RASAL3: variants seen among roughly 807,000 people sequenced by gnomAD.
RASAL3 encodes RAS protein activator like 3, also known as RAS protein activator like-3.
In RASAL3, 74 loss-of-function variants were observed where a neutral mutation model predicts 105.5. That is an observed-to-expected ratio of 0.70 (90% CI 0.58 to 0.85). The LOEUF (loss-of-function observed/expected upper bound fraction) is 0.85, where lower values mean the gene tolerates loss of function less well. Ranked by LOEUF, RASAL3 falls within the 40% of genes least tolerant of loss-of-function variation. The pLI is 0.00. For missense variants in RASAL3, 1,352 were observed against 1,392.0 expected, an observed-to-expected ratio of 0.97 and a Z score of 0.46; for synonymous variants, 579 against 591.6, an observed-to-expected ratio of 0.98 and a Z score of 0.31.
Position 15,454,726 on chromosome 19 carries a change from G to A in RASAL3, c.1889C>T (p.Pro630Leu), listed in dbSNP as rs1311081617. Reference protein sequence around the residue: ...PSLFGLAPDHPAPGPARTLTL... With the variant: ...PSLFGLAPDHLAPGPARTLTL... ...GAGGGTGCGGGCTGGGCCGGGTGCT[G>A]GATGGTCTGGTGCCAAACCAAAGAG... The change falls in exon 12 of 18, where the codon CCA becomes CTA. Residue 630 changes from proline (P) to leucine (L), a missense_variant. Pro to Leu is a moderately conservative substitution (Grantham distance 98, BLOSUM62 -3). Coordinates refer to ENST00000343625, the MANE Select transcript of RASAL3 (RefSeq NM_022904.3). 9.9e-6 allele frequency: 16 copies of A among 1,610,504 alleles called. No individual in the cohort carries two copies. The highest frequency in any genetic ancestry group is 1.4e-5 in the Non-Finnish European group (16 of 1,178,448).
In RASAL3 at chr19:15,457,387, G is replaced by A; in HGVS notation, c.1336C>T (p.Leu446Phe). The A allele has an allele frequency of 4.1e-6, 6 of 1,449,100 alleles. No homozygotes were observed. In the South Asian group the frequency reaches 7.7e-5, roughly 19 times the overall value. The allele number at this position is 1,449,100 out of a possible 1,614,324, so 89.8% of individuals were successfully genotyped here. Residue 446 changes from leucine to phenylalanine, a missense_variant, in exon 9 of 18, where the codon CTC (leucine) becomes TTC (phenylalanine). Coordinates refer to ENST00000343625, the MANE Select transcript of RASAL3 (RefSeq NM_022904.3). This position sits in a 1 kb window ranked among gnomAD's most constrained non-coding sequence, Gnocchi z 8.6. ...AGCGCGGGCTCCAGGGCCCCGCAGA[G>A]GCGCGCATAGTGGAAGGTGAGGAAC... is the stretch of plus-strand genomic sequence containing the variant. ...AEFLTFHYAR[L>F]CGALEPALPA...
chr19:15,454,924 C>T (rs377084003), intron 11 of RASAL3, 31 bp from the exon 12 acceptor site: 23 of 1,497,130 alleles, frequency 1.5e-5, no homozygotes, highest in African/African-American at 4.2e-5. Flanking sequence ...AATGGTCAGA[C>T]GGGGAGGCTA....
At position 15,454,253 on chromosome 19, in the gene RASAL3, G is replaced by T. The variant is rs1231958839; in HGVS notation, c.2175C>A (p.Thr725=). The T allele has an allele frequency of 2.6e-6, 4 of 1,564,506 alleles. No individual in the cohort carries two copies. The highest frequency in any genetic ancestry group is 3.5e-6 in the Non-Finnish European group (4 of 1,154,398). ...FAELDQTTRD[T]LEPLPTILRA... is the part of the protein sequence containing the mutation. ...GCAGGATGGTGGGCAGTGGTTCCAG[G>T]GTGTCTCGGGTTGTCTGGTGAGGCA... Residue 725 remains threonine, a synonymous_variant, in exon 14 of 18, where the codon ACC becomes ACA. Coordinates refer to ENST00000343625, the MANE Select transcript of RASAL3 (RefSeq NM_022904.3).
rs1471676012 is a variant in RASAL3 at position 15,457,486 on chromosome 19, C to T, written c.1237G>A (p.Ala413Thr). Reference protein sequence around the residue: ...WFPLLGAPAGAALRARIRARR... With the variant: ...WFPLLGAPAGTALRARIRARR... The stretch of plus-strand genomic sequence containing the variant: ...GCCCGAATCCGCGCCCGCAGCGCTG[C>T]GCCCGCCGGCGCCCCGAGCAGCGGG... The change falls in exon 9 of 18, where the codon GCA (alanine) becomes ACA (threonine). Residue 413 changes from alanine (A) to threonine (T), a missense_variant. By Grantham distance (58) the Ala-to-Thr change is moderately conservative. Coordinates refer to ENST00000343625, the MANE Select transcript of RASAL3 (RefSeq NM_022904.3). The surrounding 1 kb of genome is among the most constrained non-coding windows in gnomAD (Gnocchi z 8.6). The T allele has an allele frequency of 1.7e-6, 2 of 1,207,208 alleles. No homozygotes were observed. Among genetic ancestry groups the T allele is most frequent in the South Asian group, 2.2e-5 (1 of 45,320 alleles). The allele number at this position is 1,207,208 out of a possible 1,614,324, so 74.8% of individuals were successfully genotyped here.
chr19:15,459,092 G>A (rs1232661535), intron 6 of RASAL3, among the ~76,000 whole-genome samples: 1 of 151,724 alleles, frequency 6.6e-6, no homozygotes, highest in Non-Finnish European at 1.5e-5. Context: ...CACCATGCCT[G>A]GCTAATTTTC....
At position 15,461,499 on chromosome 19, in the gene RASAL3, T is replaced by A. The variant is rs2145488684; in HGVS notation, c.437A>T (p.Lys146Met). The A allele has an allele frequency of 6.5e-7, 1 of 1,547,064 alleles. No individual in the cohort carries two copies. The highest frequency in any genetic ancestry group is 1.2e-5 in the South Asian group (1 of 83,704). Reference protein sequence around the residue: ...DIGGFTLLDGKLVLLGGEEEG... With the variant: ...DIGGFTLLDGMLVLLGGEEEG... ...CTCCTCTCCTCCAAGCAGCACCAGC[T>A]TCCCATCAAGCAGGGTGAAGCCCCC... The change falls in exon 3 of 18, where the codon AAG becomes ATG. Residue 146 changes from lysine (K) to methionine (M), a missense_variant. Physicochemically the swap from Lys to Met is moderately conservative, Grantham distance 95. Transcript: ENST00000343625.
Position 15,452,678 on chromosome 19 carries a change from C to T in RASAL3, c.2808G>A (p.Leu936=). 6.5e-7 allele frequency: 1 copy of T among 1,550,116 alleles called. No homozygotes were observed. Among genetic ancestry groups the T allele is most frequent in the Middle Eastern group, 1.7e-4 (1 of 5,974 alleles). ...QEQLRGQLQD[L]DSRLRAGSSE... ...CTCACCCAGCACGGAGCCTGGAGTC[C>T]AGATCCTGCAGCTGGCCCCGCAGCT... The change falls in exon 16 of 18, where the codon CTG becomes CTA. Residue 936 remains leucine, a synonymous_variant. Transcript: ENST00000343625.
At chr19:15,461,177 G>A in intron 4 of RASAL3, 41 bp downstream of exon 4, 1 of 1,613,168 alleles carries the variant, frequency 6.2e-7, no homozygotes, top group East Asian at 2.2e-5. Context: ...CACTTTTAGA[G>A]CCTCCCAAAT....
chr19:15,461,701 C>G, intron 2 of RASAL3, 94 bp from the exon 3 acceptor site: 1 of 1,414,902 alleles, frequency 7.1e-7, no homozygotes, highest in Non-Finnish European at 9.2e-7. Flanking sequence ...TGGGTTCCCT[C>G]CTAGGTGCCC....
intron 2 of RASAL3, among the ~76,000 whole-genome samples, chr19:15,462,807 TG>T (rs1462034833): frequency 2.0e-5 from 3 of 151,434 alleles, no homozygotes; most frequent in African/African-American, 7.3e-5. Context: ...AACAATTAGC[TG>T]GGCATGGTGG....
chr19:15,453,422 G>T lies in RASAL3; in HGVS notation c.2355C>A (p.Ser785Arg). ...AGCGGCGAACGCTGCGCAGAGACTG[G>T]CTCTTGGAGATGAGAGGGGTGTGCT... is the stretch of plus-strand genomic sequence containing the variant. ...LPKHTPLISK[S>R]QSLRSVRRSE... Residue 785 changes from serine (S) to arginine (R), a missense_variant, in exon 15 of 18, where the codon AGC (serine) becomes AGA (arginine). Coordinates refer to ENST00000343625, the MANE Select transcript of RASAL3 (RefSeq NM_022904.3). The surrounding 1 kb of genome is among the most constrained non-coding windows in gnomAD (Gnocchi z 4.2). The T allele has an allele frequency of 6.5e-7, 1 of 1,529,226 alleles. No individual in the cohort carries two copies. The highest frequency in any genetic ancestry group is 8.7e-7 in the Non-Finnish European group (1 of 1,149,688). The allele number at this position is 1,529,226 out of a possible 1,614,324, so 94.7% of individuals were successfully genotyped here. A position where few individuals can be genotyped will look rare whatever the true frequency, so the allele number is the denominator to read the frequency against.
Position 15,451,740 on chromosome 19 carries a change from T to C in RASAL3, c.*55A>G, listed in dbSNP as rs759432977. 59 of 1,542,972 alleles carry C rather than the reference T, an allele frequency of 3.8e-5. No homozygotes were observed. Among genetic ancestry groups the C allele is most frequent in the Middle Eastern group, 2.4e-4 (1 of 4,132 alleles). On this transcript the variant is annotated 3_prime_UTR_variant, in exon 18 of 18. Transcript: ENST00000343625. ...CTAAGGCAAAGTCAGACACCCCCCCTAAGATGGCTATCTCTCTGCTCCCAG... is the reference window on the plus strand; with the variant it reads ...CTAAGGCAAAGTCAGACACCCCCCCCAAGATGGCTATCTCTCTGCTCCCAG...
At chr19:15,458,213 G>A in intron 8 of RASAL3, 115 bp downstream of exon 8, 1 of 901,334 alleles carries the variant, frequency 1.1e-6, no homozygotes, top group Non-Finnish European at 1.7e-6. Flanking sequence ...GATGCAGGCG[G>A]GGCAGGTGTG....
At chr19:15,455,130 G>C (rs1257665096) in intron 11 of RASAL3, among the ~76,000 whole-genome samples, 1 of 152,186 alleles carries the variant, frequency 6.6e-6, no homozygotes, top group African/African-American at 2.4e-5. Context: ...ATGGCTTATG[G>C]TGTAGCTATG....
chr19:15,464,361 T>TGG lies in RASAL3; in HGVS notation c.-4_-3insCC. ...CGGCTTGGCGACGGTGGGTCCATGG[T>TGG]TGGGGGGGGGGGTCTCCTGGGGGAC... On this transcript the variant is annotated 5_prime_UTR_variant, in exon 2 of 18. Transcript: ENST00000343625. The TGG allele has an allele frequency of 2.1e-6, 1 of 481,880 alleles. No homozygotes were observed. Among genetic ancestry groups the TGG allele is most frequent in the South Asian group, 2.2e-5 (1 of 45,638 alleles). The allele number at this position is 481,880 out of a possible 1,614,324, so 29.9% of individuals were successfully genotyped here.
In RASAL3 at chr19:15,458,591, C is replaced by A. The variant is rs779344192; in HGVS notation, c.727G>T (p.Glu243Ter). ...ATLSELDLGA[E>*]RDVRIWPLHP... ...AGTGGCCAGATCCGCACATCCCGCTCGGCACCCAGGTCCAGTTCAGAGAGT... is the reference window on the plus strand; with the variant it reads ...AGTGGCCAGATCCGCACATCCCGCTAGGCACCCAGGTCCAGTTCAGAGAGT... The change falls in exon 7 of 18, where the codon GAG becomes TAG. Residue 243 changes from glutamate to a stop codon, truncating the protein, a stop_gained. Coordinates refer to ENST00000343625, the MANE Select transcript of RASAL3 (RefSeq NM_022904.3). LOFTEE classifies it high-confidence loss of function. 6.2e-7 allele frequency: 1 copy of A among 1,613,478 alleles called. No individual in the cohort carries two copies. The highest frequency in any genetic ancestry group is 8.5e-7 in the Non-Finnish European group (1 of 1,179,686).
intron 2 of RASAL3, among the ~76,000 whole-genome samples, chr19:15,463,385 G>T (rs1970573421): frequency 6.6e-6 from 1 of 152,068 alleles, no homozygotes. Flanking sequence ...GAGCCATCAT[G>T]CCTGGCCCAT....
chr19:15,455,608 G>A (rs943882273), intron 11 of RASAL3, among the ~76,000 whole-genome samples: 1 of 152,202 alleles, frequency 6.6e-6, no homozygotes, highest in Non-Finnish European at 1.5e-5. Flanking sequence ...TGCAGCAAAC[G>A]AAACTTCAGG....
chr19:15,457,859 G>A lies in RASAL3; in HGVS notation c.889-25C>T. On this transcript the variant is annotated intron_variant, in intron 8 of 17. Coordinates refer to ENST00000343625, the MANE Select transcript of RASAL3 (RefSeq NM_022904.3). The surrounding 1 kb of genome is among the most constrained non-coding windows in gnomAD (Gnocchi z 8.6). ...CCTGCAGATGGGAGTGGGATGGGGGGAAGCGTTTTGGTTTGTTGGCACCCC... is the reference window on the plus strand; with the variant it reads ...CCTGCAGATGGGAGTGGGATGGGGGAAAGCGTTTTGGTTTGTTGGCACCCC... The A allele has an allele frequency of 1.9e-6, 3 of 1,545,878 alleles. No homozygotes were observed. The highest frequency in any genetic ancestry group is 2.4e-5 in the South Asian group (2 of 83,626).
Sources: gnomAD v4.1 joint callset for allele counts (sites outside exome capture counted in the v4.1 genomes callset) on GRCh38, gnomAD v4.1.1 for gene constraint, Gnocchi (gnomAD v3.1) non-coding constraint, MANE v1.5 for transcripts, NCBI Gene and HGNC (gene_info 2026-07-23, HGNC 2026-07-21) for gene names.